The following EPB41 variants were observed in gnomAD, a reference collection of about 807,000 sequenced individuals.
The protein encoded by EPB41 is protein 4.1.
A neutral mutation model predicts 108.0 loss-of-function variants in EPB41; 65 were observed. The observed-to-expected ratio is 0.60, with a 90% CI of 0.49 to 0.74. The LOEUF is 0.74. Ranked by LOEUF, EPB41 falls within the 30% of genes least tolerant of loss-of-function variation. EPB41 has a pLI of 0.00. For missense variants in EPB41, 875 were observed against 1,037.0 expected, an observed-to-expected ratio of 0.84 and a Z score of 2.15; for synonymous variants, 336 against 358.9, an observed-to-expected ratio of 0.94 and a Z score of 0.72.
chr1:29,080,727 T>G (rs1656261971), intron 16 of EPB41, among the ~76,000 whole-genome samples: 1 of 152,210 alleles, frequency 6.6e-6, no homozygotes, highest in Non-Finnish European at 1.5e-5. Flanking sequence ...ATGCACATGT[T>G]TCTTTCATTT....
chr1:29,048,713 C>CT (rs1428735476), intron 11 of EPB41, among the ~76,000 whole-genome samples: 30 of 152,050 alleles, frequency 2.0e-4, no homozygotes, highest in Non-Finnish European at 3.8e-4. Context: ...ATGATGACTT[C>CT]TTTTTTTTAG....
At chr1:29,078,175 C>T (rs1654881123) in intron 16 of EPB41, among the ~76,000 whole-genome samples, 1 of 152,048 alleles carries the variant, frequency 6.6e-6, no homozygotes, top group African/African-American at 2.4e-5. Flanking sequence ...GCCAAAATTG[C>T]ACCACTGCAC....
intron 16 of EPB41, among the ~76,000 whole-genome samples, chr1:29,088,095 G>C (rs1290457896): frequency 7.2e-6 from 1 of 138,308 alleles, no homozygotes; most frequent in East Asian, 2.1e-4. Context: ...CGCACAAGCT[G>C]GAGTGCAGTG....
chr1:28,922,190 G>A (rs1374389634), intron 1 of EPB41, among the ~76,000 whole-genome samples: 10 of 151,220 alleles, frequency 6.6e-5, no homozygotes, highest in Admixed American at 6.6e-4. Flanking sequence ...GACTGGTTTC[G>A]AACTCCTGAC....
At chr1:28,954,045 G>T (rs2094847932) in intron 1 of EPB41, among the ~76,000 whole-genome samples, 1 of 152,186 alleles carries the variant, frequency 6.6e-6, no homozygotes, top group South Asian at 2.1e-4. Context: ...TCTTGAAGAT[G>T]CCAGTCAGAG....
At chr1:29,092,826 C>T (rs1661778695) in intron 16 of EPB41, among the ~76,000 whole-genome samples, 1 of 152,054 alleles carries the variant, frequency 6.6e-6, no homozygotes, top group Non-Finnish European at 1.5e-5. Context: ...TTCCTGTGTT[C>T]GTTTGCTAAG....
intron 16 of EPB41, among the ~76,000 whole-genome samples, chr1:29,085,670 CCTCCT>C (rs1474650953): frequency 1.3e-5 from 2 of 152,152 alleles, no homozygotes; most frequent in Non-Finnish European, 2.9e-5. Flanking sequence ...CCCACCTCAG[CCTCCT>C]TAGTGGCTGG....
intron 1 of EPB41, among the ~76,000 whole-genome samples, chr1:28,906,221 T>C (rs539948604): frequency 3.3e-5 from 5 of 152,288 alleles, no homozygotes; most frequent in African/African-American, 7.2e-5. Context: ...ACCTGTCCTA[T>C]AGTAGCAGCT....
chr1:28,989,835 C>G (rs1009239680), intron 2 of EPB41, among the ~76,000 whole-genome samples: 4 of 152,112 alleles, frequency 2.6e-5, no homozygotes, highest in Non-Finnish European at 5.9e-5. Context: ...GGTAAAAGCT[C>G]TTAAAACATT....
intron 7 of EPB41, among the ~76,000 whole-genome samples, chr1:29,027,154 G>T (rs2096729740): frequency 1.3e-5 from 2 of 151,822 alleles, no homozygotes; most frequent in South Asian, 2.1e-4. Context: ...AAGGGACCTT[G>T]TTATGTTGTG....
intron 17 of EPB41, among the ~76,000 whole-genome samples, chr1:29,106,563 G>GA (rs201214186): frequency 0.24 from 8,749 of 37,124 alleles, 809 homozygotes; most frequent in Middle Eastern, 0.33. Context: ...GAGTAGCTGG[G>GA]ATTTTTTTTT....
In EPB41 at chr1:29,101,999, A is replaced by C. The variant is rs372671691; in HGVS notation, c.2313+4064A>C. 3.7e-3 allele frequency among the ~76,000 whole-genome samples: 563 copies of C among 152,386 alleles called. 2 individuals are homozygous for C. Among genetic ancestry groups the C allele is most frequent in the Non-Finnish European group, 6.0e-3 (410 of 68,044 alleles). On this transcript the variant is annotated intron_variant, in intron 17 of 20. Coordinates refer to ENST00000343067, the MANE Select transcript of EPB41 (RefSeq NM_001376013.1). ...AAGAACTGAAGTGTCTGAGGAAACA[A>C]GAAAAAAGAAATGTGTCAGTCGAGA...
intron 1 of EPB41, among the ~76,000 whole-genome samples, chr1:28,895,963 G>A (rs997443617): frequency 1.3e-5 from 2 of 152,212 alleles, no homozygotes; most frequent in African/African-American, 4.8e-5. Context: ...CAGGCCTGCT[G>A]CTGTAAGAGT....
intron 6 of EPB41, among the ~76,000 whole-genome samples, chr1:29,017,655 C>T (rs1211963066): frequency 6.6e-6 from 1 of 152,140 alleles, no homozygotes; most frequent in African/African-American, 2.4e-5. Context: ...GTGAAAATGT[C>T]AGTAATGTCA....
intron 17 of EPB41, 61 bp from the exon 18 acceptor site, chr1:29,109,275 C>G: frequency 7.9e-7 from 1 of 1,263,764 alleles, no homozygotes; most frequent in Non-Finnish European, 1.2e-6. Context: ...AAAGCTGCAG[C>G]CTGCAACATT....
In EPB41 at chr1:29,119,982, A is replaced by G. The variant is rs1671641725; in HGVS notation, c.*3170A>G. 1 of 152,638 alleles carries G rather than the reference A, an allele frequency of 6.6e-6. No homozygotes were observed. The highest frequency in any genetic ancestry group is 1.5e-5 in the Non-Finnish European group (1 of 68,050). 9.5% of individuals were successfully genotyped at this position (152,638 alleles called of 1,614,324 possible). On this transcript the variant is annotated 3_prime_UTR_variant, in exon 21 of 21. Transcript: ENST00000343067. ...TAGTAGAAGTGGTTGTAGTGTTTAG[A>G]TATCTGTTTGGTCTTGCTTCTTGTA...
At chr1:28,905,824 T>C (rs1415227229) in intron 1 of EPB41, among the ~76,000 whole-genome samples, 1 of 149,506 alleles carries the variant, frequency 6.7e-6, no homozygotes, top group African/African-American at 2.5e-5. Context: ...CTTTCTTTTT[T>C]TTTTTTTTTT....
At chr1:29,075,763 T>C (rs1280791181) in intron 16 of EPB41, among the ~76,000 whole-genome samples, 1 of 152,208 alleles carries the variant, frequency 6.6e-6, no homozygotes, top group Non-Finnish European at 1.5e-5. Context: ...ATTCATTTTA[T>C]TTATTTATTT....
chr1:29,050,604 C>T (rs1644319986), intron 11 of EPB41, among the ~76,000 whole-genome samples: 1 of 152,172 alleles, frequency 6.6e-6, no homozygotes, highest in African/African-American at 2.4e-5. Context: ...TGTGCTAATC[C>T]AGAGTTATTA....
Sources: gnomAD v4.1 joint callset for allele counts (sites outside exome capture counted in the v4.1 genomes callset) on GRCh38, gnomAD v4.1.1 for gene constraint, MANE v1.5 for transcripts, NCBI Gene and HGNC (gene_info 2026-07-23, HGNC 2026-07-21) for gene names.